The following ZNF114 variants were observed in gnomAD, a reference collection of about 807,000 sequenced individuals.
ZNF114 encodes the protein zinc finger protein 114 (Y18).
Under a neutral mutation model 6.8 loss-of-function variants are expected in ZNF114, and 8 were observed. The ratio of observed to expected loss-of-function variants is 1.18; its 90% confidence interval spans 0.69 to 2.13. The LOEUF (loss-of-function observed/expected upper bound fraction) is 2.13. Among genes scored for constraint, ZNF114 ranks in the 30% most tolerant of loss-of-function variants. The pLI, the probability that ZNF114 is intolerant of heterozygous loss-of-function variation, is 0.00. For synonymous variants in ZNF114, 169 were observed against 185.5 expected (o/e 0.91, Z 0.72); for missense variants, 472 against 519.5 (o/e 0.91, Z 0.89).
rs1247774715 is a variant in ZNF114 at position 48,286,162 on chromosome 19, T to C, written c.538T>C (p.Leu180=). The C allele has an allele frequency of 6.2e-7, 1 of 1,614,038 alleles. No individual in the cohort carries two copies. Among genetic ancestry groups the C allele is most frequent in the African/African-American group, 1.3e-5 (1 of 74,908 alleles). Residue 180 remains leucine, a synonymous_variant, in exon 6 of 6, where the codon TTG becomes CTG. Coordinates refer to ENST00000595607, the MANE Select transcript of ZNF114 (RefSeq NM_153608.4). The part of the protein sequence containing the change: ...THENNEDDGV[L]GWNIQWVPCG... ...TGAAAACAACGAAGACGATGGAGTCTTGGGGTGGAACATTCAGTGGGTTCC... is the reference window on the plus strand; with the variant it reads ...TGAAAACAACGAAGACGATGGAGTCCTGGGGTGGAACATTCAGTGGGTTCC...
chr19:48,273,922 T>C (rs1433248623), intron 3 of ZNF114, among the ~76,000 whole-genome samples: 5 of 151,772 alleles, frequency 3.3e-5, no homozygotes, highest in Admixed American at 2.6e-4. Context: ...CACGCCCGGC[T>C]AATTTTTTGT....
intron 3 of ZNF114, among the ~76,000 whole-genome samples, chr19:48,274,847 G>A (rs977567703): frequency 2.6e-5 from 4 of 152,072 alleles, no homozygotes; most frequent in African/African-American, 9.7e-5. Flanking sequence ...CACATTGTGT[G>A]CGTTTCTCTT....
rs1600834766 is a variant in ZNF114 at position 48,272,982 on chromosome 19, A to T, written c.-70+1154A>T. On this transcript the variant is annotated intron_variant, in intron 3 of 5. Transcript: ENST00000595607. ...GGCTAATTTTTTGTATTTTTAGTAGAGACGGGGTTTCACCGCGTTAGCCAG... is the reference window on the plus strand; with the variant it reads ...GGCTAATTTTTTGTATTTTTAGTAGTGACGGGGTTTCACCGCGTTAGCCAG... Among the ~76,000 whole-genome samples the T allele has an allele frequency of 2.6e-5, 4 of 152,026 alleles. 1 individual carries two copies. The highest frequency in any genetic ancestry group is 2.6e-4 in the Admixed American group (4 of 15,266).
chr19:48,274,504 ATATTTTT>A (rs1439017530), intron 3 of ZNF114, among the ~76,000 whole-genome samples: 298 of 11,816 alleles, frequency 0.025, no homozygotes, highest in Middle Eastern at 0.056. Context: ...ATATATATAT[ATATTTTT>A]TTTTTTTTTT....
In ZNF114 at chr19:48,277,793, G is replaced by GT. The variant is rs1385941549; in HGVS notation, c.-69-1938_-69-1937insT. Reference sequence around the variant, plus strand: ...TGAATAGACTGACCAGGGAGGCATTGGGTGTGTGTGTGTGTGTGTGTGTGT... The same window carrying GT: ...TGAATAGACTGACCAGGGAGGCATTGTGGTGTGTGTGTGTGTGTGTGTGTGT... On this transcript the variant is annotated intron_variant, in intron 3 of 5. Transcript: ENST00000595607. Among the ~76,000 whole-genome samples the GT allele has an allele frequency of 1.9e-4, 25 of 130,100 alleles. No homozygotes were observed. The East Asian group carries it at 1.9e-3, about 10-fold the overall frequency. The allele number at this position is 130,100 out of a possible 152,430, so 85.4% of individuals were successfully genotyped here. A position where few individuals can be genotyped will look rare whatever the true frequency, so the allele number is the denominator to read the frequency against.
rs1330052475 is a variant in ZNF114, at chr19:48,277,794, G to GGGTGTGTGTGTGTGTGT, written c.-69-1936_-69-1935insGTGTGTGTGTGTGTGTG. Among the ~76,000 whole-genome samples the GGGTGTGTGTGTGTGTGT allele has an allele frequency of 2.4e-3, 281 of 119,402 alleles. 1 individual carries two copies. The highest frequency in any genetic ancestry group is 8.5e-3 in the African/African-American group (261 of 30,590). 78.3% of individuals were successfully genotyped at this position (119,402 alleles called of 152,430 possible). On this transcript the variant is annotated intron_variant, in intron 3 of 5. Transcript: ENST00000595607. ...GAATAGACTGACCAGGGAGGCATTG[G>GGGTGTGTGTGTGTGTGT]GTGTGTGTGTGTGTGTGTGTGTGTG...
chr19:48,282,572 A>C (rs1968020088), intron 5 of ZNF114, 75 bp downstream of exon 5: 1 of 1,508,736 alleles, frequency 6.6e-7, no homozygotes, highest in South Asian at 1.3e-5. Flanking sequence ...TGGGAAGTGC[A>C]TTGGAAAATG....
Position 48,286,242 on chromosome 19 carries a change from T to C in ZNF114, c.618T>C (p.Thr206=). ...GCACATGGACTGGCAGTCAGAACAC[T>C]GTGCATCATATACGTGATGAAATTG... is the stretch of plus-strand genomic sequence containing the variant. ...KSSTWTGSQN[T]VHHIRDEIDT... Residue 206 remains threonine, a synonymous_variant, in exon 6 of 6, where the codon ACT becomes ACC. Coordinates refer to ENST00000595607, the MANE Select transcript of ZNF114 (RefSeq NM_153608.4). 6.2e-7 allele frequency: 1 copy of C among 1,614,154 alleles called. No individual in the cohort carries two copies. The highest frequency in any genetic ancestry group is 8.5e-7 in the Non-Finnish European group (1 of 1,180,044).
chr19:48,275,457 C>CACACACAA (rs1181746572), intron 3 of ZNF114, among the ~76,000 whole-genome samples: 19 of 144,676 alleles, frequency 1.3e-4, no homozygotes, highest in African/African-American at 4.6e-4. Flanking sequence ...CACACACACA[C>CACACACAA]AAAATAGCCA....
At chr19:48,282,345 G>A (rs1001549211) in intron 4 of ZNF114, 26 bp from the exon 5 acceptor site, 6 of 1,610,716 alleles carry the variant, frequency 3.7e-6, no homozygotes, top group Middle Eastern at 1.7e-4. Context: ...ACACCCCTCC[G>A]AGCCAAACTG....
chr19:48,277,794 G>GTGTGTGTGTGTGTGT (rs1967877326), intron 3 of ZNF114, among the ~76,000 whole-genome samples: 3 of 119,338 alleles, frequency 2.5e-5, no homozygotes, highest in East Asian at 5.0e-4. Context: ...GGAGGCATTG[G>GTGTGTGTGTGTGTGT]GTGTGTGTGT....
intron 4 of ZNF114, among the ~76,000 whole-genome samples, chr19:48,281,134 C>T (rs947540294): frequency 1.3e-5 from 2 of 152,160 alleles, no homozygotes; most frequent in African/African-American, 2.4e-5. Context: ...CAGAGCAAGA[C>T]CCTGTCTCAG....
intron 4 of ZNF114, among the ~76,000 whole-genome samples, chr19:48,280,547 ATTT>A (rs397859226): frequency 0.038 from 4,718 of 122,992 alleles, 159 homozygotes; most frequent in Middle Eastern, 0.15. Flanking sequence ...CCCACTCCAA[ATTT>A]TTTTTTTTTT....
At chr19:48,271,483 G>T (rs1306791435) in intron 2 of ZNF114, 34 bp downstream of exon 2, 1 of 148,974 alleles carries the variant, frequency 6.7e-6, no homozygotes, top group Non-Finnish European at 1.5e-5. Context: ...TCTACTGGTC[G>T]TGGGGGTCAG....
chr19:48,285,580 GAA>G (rs1968095225), intron 5 of ZNF114, among the ~76,000 whole-genome samples, 179 bp from the exon 6 acceptor site: 1 of 148,540 alleles, frequency 6.7e-6, no homozygotes, highest in South Asian at 2.1e-4. Context: ...GGAAGGGAAA[GAA>G]AGAGAAAAGA....
rs1421770615 is a variant in ZNF114 at position 48,277,963 on chromosome 19, C to T, written c.-69-1768C>T. Among the ~76,000 whole-genome samples, 3 of 151,848 alleles carry T rather than the reference C, an allele frequency of 2.0e-5. No individual in the cohort carries two copies. The East Asian group carries it at 5.8e-4, about 29-fold the overall frequency. ...AATTTTTTTTTTTGAGACAGAGTCTCGCTCTGTTGCCCATGCTGGGGTGTG... is the reference window on the plus strand; with the variant it reads ...AATTTTTTTTTTTGAGACAGAGTCTTGCTCTGTTGCCCATGCTGGGGTGTG... On this transcript the variant is annotated intron_variant, in intron 3 of 5. Coordinates refer to ENST00000595607, the MANE Select transcript of ZNF114 (RefSeq NM_153608.4).
intron 4 of ZNF114, 74 bp from the exon 5 acceptor site, chr19:48,282,297 C>G: frequency 6.3e-7 from 1 of 1,587,146 alleles, no homozygotes; most frequent in Non-Finnish European, 8.6e-7. Context: ...CTACCTTTTT[C>G]TGTGGAGAAA....
intron 3 of ZNF114, 95 bp downstream of exon 3, chr19:48,271,923 C>T (rs1967668065): frequency 6.6e-6 from 1 of 152,270 alleles, no homozygotes; most frequent in Non-Finnish European, 1.5e-5. Flanking sequence ...TGTCTCTACC[C>T]TTCCGGGAGG....
At chr19:48,272,700 T>TAAAAAAAA (rs1555875993) in intron 3 of ZNF114, among the ~76,000 whole-genome samples, 4 of 79,368 alleles carry the variant, frequency 5.0e-5, no homozygotes, top group African/African-American at 1.7e-4. Flanking sequence ...AAAAAAAAAG[T>TAAAAAAAA]ATTGGATTGG....
Sources: gnomAD v4.1 joint callset for allele counts (sites outside exome capture counted in the v4.1 genomes callset) on GRCh38, gnomAD v4.1.1 for gene constraint, MANE v1.5 for transcripts, NCBI Gene and HGNC (gene_info 2026-07-23, HGNC 2026-07-21) for gene names.